STARD13: variants seen among roughly 807,000 people sequenced by gnomAD.
STARD13 encodes the protein stAR-related lipid transfer protein 13.
A neutral mutation model predicts 106.4 loss-of-function variants in STARD13; 62 were observed. That is an observed-to-expected ratio of 0.58 (90% CI 0.48 to 0.72). The LOEUF (loss-of-function observed/expected upper bound fraction) is 0.72, where lower values mean the gene tolerates loss of function less well. STARD13 is among the 30% of genes least tolerant of loss of function. The pLI is 0.00. For missense variants in STARD13, 1,387 were observed against 1,424.0 expected (o/e 0.97, Z 0.42); for synonymous variants, 565 against 553.0 (o/e 1.02, Z -0.31).
At chr13:33,137,980 C>T (rs1879281221) in intron 4 of STARD13, among the ~76,000 whole-genome samples, 1 of 152,210 alleles carries the variant, frequency 6.6e-6, no homozygotes, top group Non-Finnish European at 1.5e-5. Context: ...CTCTGAAATG[C>T]CGACGGCATC....
At chr13:33,438,722 C>T in the STARD13 span, among the ~76,000 whole-genome samples, 1 of 152,178 alleles carries the variant, frequency 6.6e-6, no homozygotes, top group Non-Finnish European at 1.5e-5. Context: ...CAGCAGATGA[C>T]TATATCCCAG....
chr13:33,188,037 T>C (rs1294747467), intron 1 of STARD13: 1 of 152,252 alleles, frequency 6.6e-6, no homozygotes, highest in Non-Finnish European at 1.5e-5. Context: ...GACTATGGGA[T>C]AGACCTTTGA....
the STARD13 span, among the ~76,000 whole-genome samples, chr13:33,566,273 T>A: frequency 1.1e-4 from 17 of 148,424 alleles, 1 homozygote; most frequent in Non-Finnish European, 2.4e-4. Flanking sequence ...TCTGCCTAAT[T>A]TGTAAATTAA....
At chr13:33,185,895 T>C (rs768992773) in intron 1 of STARD13, 3 of 1,614,096 alleles carry the variant, frequency 1.9e-6, no homozygotes. Flanking sequence ...CTGGAATGTG[T>C]GGTTCACTCT....
intron 1 of STARD13, among the ~76,000 whole-genome samples, chr13:33,257,874 T>A (rs1399683216): frequency 6.6e-6 from 1 of 152,216 alleles, no homozygotes; most frequent in African/African-American, 2.4e-5. Flanking sequence ...GGAAAGATCA[T>A]CACTGTAAAT....
the STARD13 span, among the ~76,000 whole-genome samples, chr13:33,565,013 G>GA: frequency 6.4e-5 from 9 of 141,370 alleles, no homozygotes; most frequent in South Asian, 2.3e-4. Flanking sequence ...AAGAAAAAAA[G>GA]AAAAAAAAAT....
At chr13:33,297,898 T>A (rs911505746) in intron 1 of STARD13, among the ~76,000 whole-genome samples, 1 of 152,124 alleles carries the variant, frequency 6.6e-6, no homozygotes, top group Non-Finnish European at 1.5e-5. Flanking sequence ...TGGCTTGAAC[T>A]TCCCAGTGTC....
At chr13:33,287,455 T>C (rs955346974), upstream of STARD13, among the ~76,000 whole-genome samples, 2 of 152,222 alleles carry the variant, frequency 1.3e-5, no homozygotes, top group Non-Finnish European at 2.9e-5. Context: ...GTTGGCTTCA[T>C]GGCAGGAAGG....
chr13:33,483,142 T>C, the STARD13 span, among the ~76,000 whole-genome samples: 1 of 152,192 alleles, frequency 6.6e-6, no homozygotes, highest in African/African-American at 2.4e-5. Context: ...GGAGGGCACA[T>C]AATCAACAAG....
rs1217182563 is a variant in STARD13 at position 33,103,413 on chromosome 13, A to T, written c.*2180T>A. Reference sequence around the variant, plus strand: ...TGCACTGTGTTGTTATGCAGCGGTGATATGATTACTATGTGCACAAAAACA... The same window carrying T: ...TGCACTGTGTTGTTATGCAGCGGTGTTATGATTACTATGTGCACAAAAACA... On this transcript the variant is annotated 3_prime_UTR_variant, in exon 14 of 14. Coordinates refer to ENST00000336934, the MANE Select transcript of STARD13 (RefSeq NM_178006.4). 1 of 152,598 alleles carries T rather than the reference A, an allele frequency of 6.6e-6. No homozygotes were observed. Among genetic ancestry groups the T allele is most frequent in the Non-Finnish European group, 1.5e-5 (1 of 68,040 alleles). 9.5% of individuals were successfully genotyped at this position (152,598 alleles called of 1,614,324 possible).
intron 1 of STARD13, among the ~76,000 whole-genome samples, chr13:33,308,520 C>CTTTCTTTTTTT (rs1893003354): frequency 5.6e-5 from 5 of 88,550 alleles, no homozygotes; most frequent in African/African-American, 8.8e-5. Context: ...CTTTTTCTTT[C>CTTTCTTTTTTT]TTTTTTTTTT....
chr13:33,476,812 T>C, the STARD13 span, among the ~76,000 whole-genome samples: 1 of 152,230 alleles, frequency 6.6e-6, no homozygotes, highest in African/African-American at 2.4e-5. Flanking sequence ...AACACCCTAT[T>C]AATGAAGCCT....
intron 12 of STARD13, among the ~76,000 whole-genome samples, chr13:33,109,077 T>C (rs2138060573): frequency 6.6e-6 from 1 of 152,328 alleles, no homozygotes; most frequent in African/African-American, 2.4e-5. Flanking sequence ...GCGTTTTAAA[T>C]ATACATTTGG....
the STARD13 span, among the ~76,000 whole-genome samples, chr13:33,587,202 C>T: frequency 1.8e-4 from 26 of 143,668 alleles, no homozygotes; most frequent in East Asian, 4.8e-3. Flanking sequence ...GGCGACAGAG[C>T]GAGACTCTGT....
chr13:33,417,930 C>T, the STARD13 span, among the ~76,000 whole-genome samples: 5 of 152,260 alleles, frequency 3.3e-5, no homozygotes, highest in East Asian at 9.6e-4. Context: ...TAAACCGTAT[C>T]TCAATAAGCC....
At chr13:33,283,241 A>G (rs1891893243) in intron 1 of STARD13, among the ~76,000 whole-genome samples, 1 of 152,176 alleles carries the variant, frequency 6.6e-6, no homozygotes, top group African/African-American at 2.4e-5. Flanking sequence ...AGTCTCTAGT[A>G]TATTATATAA....
intron 1 of STARD13, among the ~76,000 whole-genome samples, chr13:33,228,781 TAG>T (rs539715559): frequency 7.8e-4 from 119 of 152,270 alleles, no homozygotes; most frequent in African/African-American, 2.6e-3. Flanking sequence ...CCCCATCACG[TAG>T]AGTCTGATAA....
chr13:33,374,682 A>G, the STARD13 span, among the ~76,000 whole-genome samples: 6 of 152,182 alleles, frequency 3.9e-5, no homozygotes, highest in Non-Finnish European at 1.5e-5. Flanking sequence ...AGATTAATGC[A>G]ATTTTACTGA....
intron 1 of STARD13, among the ~76,000 whole-genome samples, chr13:33,292,450 A>C (rs1197361958): frequency 6.6e-6 from 1 of 151,772 alleles, no homozygotes; most frequent in African/African-American, 2.4e-5. Context: ...AAATTACAAA[A>C]CTTAGCCAGG....
Sources: gnomAD v4.1 joint callset for allele counts (sites outside exome capture counted in the v4.1 genomes callset) on GRCh38, gnomAD v4.1.1 for gene constraint, MANE v1.5 for transcripts, NCBI Gene and HGNC (gene_info 2026-07-23, HGNC 2026-07-21) for gene names.